ODF2L: variants seen among roughly 807,000 people sequenced by gnomAD.
ODF2L encodes protein BCAP.
A neutral mutation model predicts 86.3 loss-of-function variants in ODF2L; 76 were observed. That is an observed-to-expected ratio of 0.88 (90% CI 0.73 to 1.07). The LOEUF (loss-of-function observed/expected upper bound fraction) is 1.07. Among genes scored for constraint, ODF2L ranks in the 50% least tolerant of loss-of-function variants. ODF2L has a pLI of 0.00. For missense variants in ODF2L, 748 were observed against 717.4 expected (o/e 1.04, Z -0.49); for synonymous variants, 241 against 231.3 (o/e 1.04, Z -0.38).
At chr1:86,358,426 C>G (rs1347666943) in intron 13 of ODF2L, 1 of 152,800 alleles carries the variant, frequency 6.5e-6, no homozygotes, top group Non-Finnish European at 1.5e-5. Context: ...CTTTTGTAGA[C>G]GTAAAACATT....
At chr1:86,368,744 G>C (rs1659610385) in intron 10 of ODF2L, 8 of 1,365,552 alleles carry the variant, frequency 5.9e-6, no homozygotes, top group Admixed American at 3.0e-5. Context: ...ACAACAAAAA[G>C]TTTATGTATG....
At chr1:86,367,103 G>A (rs1051200857) in intron 11 of ODF2L, among the ~76,000 whole-genome samples, 3 of 152,100 alleles carry the variant, frequency 2.0e-5, no homozygotes, top group African/African-American at 7.2e-5. Context: ...TGTCACTACA[G>A]AGGAACAAGT....
downstream of ODF2L, chr1:86,350,016 A>AT: frequency 2.7e-6 from 1 of 367,532 alleles, no homozygotes; most frequent in Non-Finnish European, 3.8e-6. Flanking sequence ...ACACAAACTC[A>AT]TTTTTCAGCA....
intron 7 of ODF2L, among the ~76,000 whole-genome samples, chr1:86,381,276 C>G (rs764421035): frequency 2.0e-5 from 3 of 152,130 alleles, no homozygotes; most frequent in Non-Finnish European, 4.4e-5. Context: ...AGATGATTAT[C>G]TAATATGTTC....
chr1:86,393,301 C>T (rs963525774), intron 1 of ODF2L, among the ~76,000 whole-genome samples: 7 of 151,236 alleles, frequency 4.6e-5, no homozygotes, highest in African/African-American at 1.7e-4. Flanking sequence ...CAGCAAGGAA[C>T]ACAAAGTAGA....
exon 7 of ODF2L, chr1:86,382,348 A>C (rs1288389195): frequency 5.0e-6 from 8 of 1,611,896 alleles, no homozygotes; most frequent in South Asian, 1.1e-5. Flanking sequence ...GTTTGCTTTC[A>C]AAGTATTTGC....
rs572230884 is a variant in ODF2L, at chr1:86,377,542, C to T, written c.625-1124G>A. ...AGGTTCCCCATAAGGGCTCCACCCC[C>T]GCAGCAAACTTCTGCCTGGACATCC... On this transcript the variant is annotated intron_variant, in intron 7 of 17. Transcript: ENST00000317336. Among the ~76,000 whole-genome samples the T allele has an allele frequency of 2.4e-4, 36 of 152,322 alleles. 2 individuals are homozygous for T. The South Asian group carries it at 6.4e-3, about 27-fold the overall frequency.
At chr1:86,352,248 C>A (rs1182216525) in intron 17 of ODF2L, 6 of 1,453,336 alleles carry the variant, frequency 4.1e-6, no homozygotes, top group Non-Finnish European at 5.5e-6. Context: ...ATGTCATTAT[C>A]TAGTAGACAG....
At chr1:86,395,980 A>G (rs1412801345) in intron 1 of ODF2L, 53 bp downstream of exon 1, 1 of 152,302 alleles carries the variant, frequency 6.6e-6, no homozygotes, top group Non-Finnish European at 1.5e-5. Flanking sequence ...GTAAACGCCC[A>G]GCAGCAGCTA....
In ODF2L at chr1:86,376,378, C is replaced by CT. The variant is rs965104187; in HGVS notation, c.664dup (p.Arg222LysfsTer4). ...CACTATAGCCTCATTCTTATTCATTCTTGATTGCAGGTTCCACTTGGCTAT... is the reference window on the plus strand; with the variant it reads ...CACTATAGCCTCATTCTTATTCATTCTTTGATTGCAGGTTCCACTTGGCTAT... On this transcript the variant is annotated frameshift_variant, in exon 8 of 18. Coordinates refer to ENST00000317336, the Ensembl canonical transcript of ODF2L. LOFTEE classifies it high-confidence loss of function. 4.4e-6 allele frequency: 7 copies of CT among 1,605,664 alleles called. No individual in the cohort carries two copies. Among genetic ancestry groups the CT allele is most frequent in the Non-Finnish European group, 5.9e-6 (7 of 1,177,202 alleles).
intron 14 of ODF2L, 40 bp from the exon 14 acceptor site, chr1:86,354,899 C>A (rs1212532068): frequency 4.6e-6 from 5 of 1,084,804 alleles, no homozygotes; most frequent in Non-Finnish European, 6.9e-6. Flanking sequence ...ATTTTCTTCA[C>A]AATCAACTTC....
rs148518401 is a variant in ODF2L, at chr1:86,395,317, C to CA, written c.-60+715dup. ...ATTCTCAGTAAACAACAAGCACCAC[C>CA]ACTCACTAACCACCTACATTCGGTG... On this transcript the variant is annotated intron_variant, in intron 1 of 17. Transcript: ENST00000317336. 0.011 allele frequency among the ~76,000 whole-genome samples: 1,700 copies of CA among 152,286 alleles called. 69 individuals carry two copies. The East Asian group carries it at 0.12, about 10-fold the overall frequency.
At chr1:86,394,992 C>CG (rs1050285080) in intron 1 of ODF2L, among the ~76,000 whole-genome samples, 2 of 152,014 alleles carry the variant, frequency 1.3e-5, no homozygotes, top group Non-Finnish European at 2.9e-5. Flanking sequence ...GGGCGCCCGC[C>CG]ACCACGCCCG....
intron 8 of ODF2L, chr1:86,374,889 C>T (rs1660063217): frequency 6.6e-6 from 1 of 152,068 alleles, no homozygotes; most frequent in Non-Finnish European, 1.5e-5. Flanking sequence ...ATATTTTAGA[C>T]TTAAGGTACT....
chr1:86,372,069 G>A (rs1007304776), intron 9 of ODF2L, among the ~76,000 whole-genome samples: 33 of 151,640 alleles, frequency 2.2e-4, no homozygotes, highest in African/African-American at 7.3e-4. Flanking sequence ...CATGCCTGTA[G>A]TCCCAGCTAC....
intron 1 of ODF2L, among the ~76,000 whole-genome samples, chr1:86,394,942 GC>G (rs35587483): frequency 0.039 from 5,732 of 147,624 alleles, 175 homozygotes; most frequent in African/African-American, 0.081. Context: ...CTGGGTTCAC[GC>G]CATTCTCCTG....
chr1:86,385,516 G>A, exon 3 of ODF2L: 1 of 1,604,584 alleles, frequency 6.2e-7, no homozygotes. Flanking sequence ...CAATTCTACA[G>A]AATGAGTTAC....
intron 14 of ODF2L, chr1:86,355,269 G>T: frequency 1.1e-6 from 1 of 926,316 alleles, no homozygotes; most frequent in South Asian, 1.5e-5. Flanking sequence ...TTGAGTATCT[G>T]TGAAGTCGAA....
At chr1:86,386,221 C>A (rs1660944025) in intron 2 of ODF2L, 1 of 152,126 alleles carries the variant, frequency 6.6e-6, no homozygotes, top group Non-Finnish European at 1.5e-5. Flanking sequence ...ATTCCCCACT[C>A]TAAAGAAGTA....
Sources: gnomAD v4.1 joint callset for allele counts (sites outside exome capture counted in the v4.1 genomes callset) on GRCh38, gnomAD v4.1.1 for gene constraint, MANE v1.5 for transcripts, NCBI Gene and HGNC (gene_info 2026-07-23, HGNC 2026-07-21) for gene names.